TNNC2: variants seen among roughly 807,000 people sequenced by gnomAD.
The protein encoded by TNNC2 is troponin C, skeletal muscle.
A neutral mutation model predicts 20.0 loss-of-function variants in TNNC2; 14 were observed. That is an observed-to-expected ratio of 0.70 (90% CI 0.46 to 1.09). The LOEUF is 1.09. Ranked by LOEUF, TNNC2 falls within the 50% of genes least tolerant of loss-of-function variation. The probability of loss-of-function intolerance (pLI) is 0.00; values close to 1 mark genes in which losing one functional copy is unlikely to be tolerated. For synonymous variants in TNNC2, 81 were observed against 77.3 expected (o/e 1.05, Z -0.25); for missense variants, 163 against 223.8 (o/e 0.73, Z 1.73).
upstream of TNNC2, among the ~76,000 whole-genome samples, chr20:45,832,301 C>T (rs1983134553): frequency 6.6e-6 from 1 of 152,158 alleles, no homozygotes; most frequent in South Asian, 2.1e-4. Context: ...CAGAGCAAGA[C>T]TCTGTCTCCC....
At chr20:45,828,397 G>A (rs368518584), upstream of TNNC2, among the ~76,000 whole-genome samples, 30 of 152,106 alleles carry the variant, frequency 2.0e-4, no homozygotes, top group African/African-American at 7.0e-4. Flanking sequence ...ACAGTCCTTG[G>A]GGCACCTGTC....
upstream of TNNC2, chr20:45,827,408 G>A: frequency 2.2e-6 from 2 of 901,440 alleles, no homozygotes; most frequent in Non-Finnish European, 3.4e-6. Context: ...ATCAGATCCT[G>A]GGGTCAGCGA....
At chr20:45,828,057 G>T (rs80046834), upstream of TNNC2, among the ~76,000 whole-genome samples, 224 of 152,164 alleles carry the variant, frequency 1.5e-3, no homozygotes, top group African/African-American at 5.1e-3. Flanking sequence ...AATTATAAAG[G>T]TCTATACTCA....
At position 45,824,657 on chromosome 20, in the gene TNNC2, G is replaced by A. The variant is rs757109104; in HGVS notation, c.56-19C>T. Reference sequence around the variant, plus strand: ...TTGAACTCTGCGAGGGAGGGCAGAGGGCAGAGGTGAGGCCTGCTGGACTGT... The same window carrying A: ...TTGAACTCTGCGAGGGAGGGCAGAGAGCAGAGGTGAGGCCTGCTGGACTGT... On this transcript the variant is annotated intron_variant, in intron 2 of 5. Transcript: ENST00000372555. 5 of 1,607,680 alleles carry A rather than the reference G, an allele frequency of 3.1e-6. No individual in the cohort carries two copies. In the South Asian group the frequency reaches 4.4e-5, roughly 14 times the overall value.
upstream of TNNC2, among the ~76,000 whole-genome samples, chr20:45,831,914 C>G (rs1237756487): frequency 6.6e-6 from 1 of 152,186 alleles, no homozygotes; most frequent in Non-Finnish European, 1.5e-5. Context: ...ATTTTTTAAC[C>G]AATGGTTGGT....
rs1380024919 is a variant in TNNC2 at position 45,824,629 on chromosome 20, G to A, written c.65C>T (p.Ala22Val). The change falls in exon 3 of 6, where the codon GCT becomes GTT. Residue 22 changes from alanine to valine, a missense_variant. Physicochemically the swap from Ala to Val is moderately conservative, Grantham distance 64. Coordinates refer to ENST00000372555, the MANE Select transcript of TNNC2 (RefSeq NM_003279.3). Reference sequence around the variant, plus strand: ...ATCAGCATCAAACATGTCAAAGGCAGCCTTGAACTCTGCGAGGGAGGGCAG... The same window carrying A: ...ATCAGCATCAAACATGTCAAAGGCAACCTTGAACTCTGCGAGGGAGGGCAG... ...LSEEMIAEFK[A>V]AFDMFDADGG... 3.1e-6 allele frequency: 5 copies of A among 1,609,636 alleles called. No individual in the cohort carries two copies. The highest frequency in any genetic ancestry group is 4.2e-6 in the Non-Finnish European group (5 of 1,179,960).
chr20:45,824,013 G>T lies in TNNC2; in HGVS notation c.429C>A (p.Asn143Lys). ...CACCGTCGAAGTCAATGCGGCCGTC[G>T]TTGTTCTTGTCGCCGTCTTTCATCA... ...ESLMKDGDKN[N>K]DGRIDFDEFL... Residue 143 changes from asparagine (N) to lysine (K), a missense_variant, in exon 5 of 6, where the codon AAC becomes AAA. By Grantham distance (94) the Asn-to-Lys change is moderately conservative. Transcript: ENST00000372555. 6.2e-7 allele frequency: 1 copy of T among 1,614,088 alleles called. No homozygotes were observed. Among genetic ancestry groups the T allele is most frequent in the South Asian group, 1.1e-5 (1 of 91,084 alleles).
upstream of TNNC2, among the ~76,000 whole-genome samples, chr20:45,831,393 A>G (rs1983103284): frequency 1.3e-5 from 2 of 152,196 alleles, no homozygotes; most frequent in South Asian, 4.1e-4. Flanking sequence ...CCTGGCCAAC[A>G]TGGTGAAACC....
intron 2 of TNNC2, among the ~76,000 whole-genome samples, chr20:45,833,077 G>A (rs1373655018): frequency 6.6e-6 from 1 of 152,236 alleles, no homozygotes; most frequent in African/African-American, 2.4e-5. Context: ...CAGGGAGGCG[G>A]AGGTTGCAGT....
At chr20:45,830,063 G>A (rs942396881), upstream of TNNC2, among the ~76,000 whole-genome samples, 8 of 151,746 alleles carry the variant, frequency 5.3e-5, no homozygotes, top group Admixed American at 2.6e-4. Context: ...GGCTGGGCAC[G>A]GTGGCTCATG....
At chr20:45,825,394 C>A (rs917890443) in intron 1 of TNNC2, among the ~76,000 whole-genome samples, 1 of 152,146 alleles carries the variant, frequency 6.6e-6, no homozygotes, top group Non-Finnish European at 1.5e-5. Context: ...TGGGTTCAAG[C>A]GATTCTCCTC....
upstream of TNNC2, among the ~76,000 whole-genome samples, chr20:45,830,371 C>T (rs1402918716): frequency 1.4e-5 from 2 of 146,150 alleles, no homozygotes; most frequent in East Asian, 4.2e-4. Flanking sequence ...CTACTCTAAA[C>T]ACCACCTTCT....
At position 45,823,660 on chromosome 20, in the gene TNNC2, T is replaced by G. The variant is rs980333628; in HGVS notation, c.452-281A>C. Among the ~76,000 whole-genome samples, 14 of 151,870 alleles carry G rather than the reference T, an allele frequency of 9.2e-5. No individual in the cohort carries two copies. The highest frequency in any genetic ancestry group is 3.4e-4 in the African/African-American group (14 of 41,344). ...GTGCCACCACACCTGCCTTTTTATT[T>G]TATTTTATTTTTTGTAAAGACAGGG... is the stretch of plus-strand genomic sequence containing the variant. On this transcript the variant is annotated intron_variant, in intron 5 of 5. Coordinates refer to ENST00000372555, the MANE Select transcript of TNNC2 (RefSeq NM_003279.3). This position sits in a 1 kb window ranked among gnomAD's most constrained non-coding sequence, Gnocchi z 4.6.
rs1982875261 is a variant in TNNC2 at position 45,823,853 on chromosome 20, A to G, written c.451+138T>C. On this transcript the variant is annotated intron_variant, in intron 5 of 5. Coordinates refer to ENST00000372555, the MANE Select transcript of TNNC2 (RefSeq NM_003279.3). The surrounding 1 kb of genome is among the most constrained non-coding windows in gnomAD (Gnocchi z 4.6). ...GTGGAGCGCTTCTATACCTGCCCCC[A>G]GGAGACTATGGGGAACTTGGTGAAG... is the stretch of plus-strand genomic sequence containing the variant. 2.8e-6 allele frequency: 4 copies of G among 1,406,822 alleles called. No homozygotes were observed. The highest frequency in any genetic ancestry group is 3.9e-6 in the Non-Finnish European group (4 of 1,035,190). The allele number at this position is 1,406,822 out of a possible 1,614,324, so 87.1% of individuals were successfully genotyped here. A position where few individuals can be genotyped will look rare whatever the true frequency, so the allele number is the denominator to read the frequency against.
chr20:45,829,930 G>A (rs969206752), upstream of TNNC2, among the ~76,000 whole-genome samples: 1 of 151,978 alleles, frequency 6.6e-6, no homozygotes, highest in Non-Finnish European at 1.5e-5. Flanking sequence ...TTATTCAAGG[G>A]ATTAGGTAAG....
chr20:45,824,724 A>G (rs1982921022), intron 2 of TNNC2, 59 bp downstream of exon 2: 3 of 1,244,650 alleles, frequency 2.4e-6, no homozygotes, highest in Non-Finnish European at 3.3e-6. Context: ...CCCTGCCTAG[A>G]GGCCAACATG....
rs1376213162 is a variant in TNNC2, at chr20:45,827,235, C to T, written c.3+11G>A. ...CGTGAGTAAAGGCACAAAGTCCCCT[C>T]TTGTCCTTACCATGGTTGCTGGTGA... is the stretch of plus-strand genomic sequence containing the variant. On this transcript the variant is annotated intron_variant, in intron 1 of 5. Coordinates refer to ENST00000372555, the MANE Select transcript of TNNC2 (RefSeq NM_003279.3). 6.2e-7 allele frequency: 1 copy of T among 1,614,198 alleles called. No individual in the cohort carries two copies. Among genetic ancestry groups the T allele is most frequent in the South Asian group, 1.1e-5 (1 of 91,082 alleles).
In TNNC2 at chr20:45,823,855, G is replaced by A. The variant is rs1982875422; in HGVS notation, c.451+136C>T. The A allele has an allele frequency of 1.4e-6, 2 of 1,432,240 alleles. No homozygotes were observed. Among genetic ancestry groups the A allele is most frequent in the Non-Finnish European group, 9.5e-7 (1 of 1,057,322 alleles). The allele number at this position is 1,432,240 out of a possible 1,614,324, so 88.7% of individuals were successfully genotyped here. ...GGAGCGCTTCTATACCTGCCCCCAG[G>A]AGACTATGGGGAACTTGGTGAAGTT... On this transcript the variant is annotated intron_variant, in intron 5 of 5. Coordinates refer to ENST00000372555, the MANE Select transcript of TNNC2 (RefSeq NM_003279.3). This position sits in a 1 kb window ranked among gnomAD's most constrained non-coding sequence, Gnocchi z 4.6.
chr20:45,831,243 A>T (rs1008882723), upstream of TNNC2, among the ~76,000 whole-genome samples: 3 of 151,962 alleles, frequency 2.0e-5, no homozygotes, highest in Admixed American at 2.0e-4. Flanking sequence ...CTATGATCGC[A>T]CCCCTGCACT....
Sources: gnomAD v4.1 joint callset for allele counts (sites outside exome capture counted in the v4.1 genomes callset) on GRCh38, gnomAD v4.1.1 for gene constraint, Gnocchi (gnomAD v3.1) non-coding constraint, MANE v1.5 for transcripts, NCBI Gene and HGNC (gene_info 2026-07-23, HGNC 2026-07-21) for gene names.